Variants in MACROD2 observed in about 807,000 individuals in gnomAD.
MACROD2 encodes ADP-ribose glycohydrolase MACROD2.
Under a neutral mutation model 70.4 loss-of-function variants are expected in MACROD2, and 36 were observed. The observed-to-expected ratio is 0.51, with a 90% CI of 0.39 to 0.68. MACROD2 has a LOEUF of 0.68. Among genes scored for constraint, MACROD2 ranks in the 30% least tolerant of loss-of-function variants. The pLI is 0.00. For synonymous variants in MACROD2, 172 were observed against 178.8 expected (o/e 0.96, Z 0.30); for missense variants, 496 against 538.4 (o/e 0.92, Z 0.78).
In MACROD2 at chr20:14,057,455, T is replaced by A. The variant is rs934361743; in HGVS notation, c.164-28166T>A. Among the ~76,000 whole-genome samples, 4 of 152,260 alleles carry A rather than the reference T, an allele frequency of 2.6e-5. No homozygotes were observed. The East Asian group carries it at 7.7e-4, about 29-fold the overall frequency. ...CCAATAGAATAAATGGGAAAGAGAT[T>A]TGAGCAGTCAGTTCAAACTGTAAAG... On this transcript the variant is annotated intron_variant, in intron 2 of 17. Transcript: ENST00000684519.
At position 15,993,233 on chromosome 20, in the gene MACROD2, AGTGTGTGTGTGTGTGTGTGT is replaced by A. The variant is rs11468964; in HGVS notation, c.1153+6092_1153+6111del. ...AACTGGTTCAAAGGAGAATTTGAAG[AGTGTGTGTGTGTGTGTGTGT>A]GTGTGTGTGTGTGTGTATAAAATCC... On this transcript the variant is annotated intron_variant, in intron 15 of 17. Transcript: ENST00000684519. Among the ~76,000 whole-genome samples, 295 of 144,090 alleles carry A rather than the reference AGTGTGTGTGTGTGTGTGTGT, an allele frequency of 2.0e-3. 1 individual carries two copies. The highest frequency in any genetic ancestry group is 3.2e-3 in the Non-Finnish European group (205 of 64,578). The allele number at this position is 144,090 out of a possible 152,430, so 94.5% of individuals were successfully genotyped here. A position where few individuals can be genotyped will look rare whatever the true frequency, so the allele number is the denominator to read the frequency against.
chr20:14,592,280 G>T (rs1005856396), intron 4 of MACROD2, among the ~76,000 whole-genome samples: 1 of 152,196 alleles, frequency 6.6e-6, no homozygotes, highest in African/African-American at 2.4e-5. Context: ...CCATCTGTAA[G>T]CTAGATTGGA....
At chr20:15,422,741 A>G (rs6105410) in intron 6 of MACROD2, among the ~76,000 whole-genome samples, 51,124 of 152,066 alleles carry the variant, frequency 0.34, 8,915 homozygotes, top group South Asian at 0.39. Context: ...ATCTTGAGCT[A>G]TAGAGAAGGA....
Position 14,807,249 on chromosome 20 carries a change from G to A in MACROD2, c.418+122290G>A, listed in dbSNP as rs1280157166. The stretch of plus-strand genomic sequence containing the variant: ...GACAAAGCTTCCAGAGGAAGGAGCA[G>A]GCAGCAATCTTTACTGTTCTGCAGC... On this transcript the variant is annotated intron_variant, in intron 5 of 17. Coordinates refer to ENST00000684519, the MANE Select transcript of MACROD2 (RefSeq NM_001351661.2). 1.3e-5 allele frequency among the ~76,000 whole-genome samples: 2 copies of A among 152,136 alleles called. 1 individual carries two copies. The highest frequency in any genetic ancestry group is 2.9e-5 in the Non-Finnish European group (2 of 67,994).
At chr20:14,842,163 A>G (rs2073094545) in intron 5 of MACROD2, among the ~76,000 whole-genome samples, 2 of 152,130 alleles carry the variant, frequency 1.3e-5, no homozygotes, top group South Asian at 4.1e-4. Flanking sequence ...TTCTCTAGAG[A>G]GAGGAAATGT....
chr20:15,340,130 CTTTTTT>C (rs869080087), intron 6 of MACROD2, among the ~76,000 whole-genome samples: 494 of 39,160 alleles, frequency 0.013, 4 homozygotes, highest in African/African-American at 0.053. Context: ...TTCTTTCTTT[CTTTTTT>C]TTTTTTTTTT....
chr20:14,077,741 A>G (rs1287681229), intron 2 of MACROD2, among the ~76,000 whole-genome samples: 1 of 152,188 alleles, frequency 6.6e-6, no homozygotes, highest in Non-Finnish European at 1.5e-5. Flanking sequence ...GCTGGCTATG[A>G]TTAAATTGAT....
intron 5 of MACROD2, among the ~76,000 whole-genome samples, chr20:14,922,795 A>G (rs2122643530): frequency 6.6e-6 from 1 of 152,322 alleles, no homozygotes; most frequent in African/African-American, 2.4e-5. Context: ...TAACACAGTC[A>G]GTGAGATAAT....
intron 4 of MACROD2, among the ~76,000 whole-genome samples, chr20:14,570,540 G>A (rs1980118870): frequency 6.6e-6 from 1 of 151,932 alleles, no homozygotes; most frequent in Non-Finnish European, 1.5e-5. Flanking sequence ...AGGATTGGCA[G>A]TGTAAAAGTG....
intron 8 of MACROD2, among the ~76,000 whole-genome samples, chr20:15,536,223 T>G (rs1236078541): frequency 6.6e-6 from 1 of 152,206 alleles, no homozygotes; most frequent in African/African-American, 2.4e-5. Flanking sequence ...TGGCAGTTGT[T>G]GATAAAGACA....
chr20:14,338,472 T>C (rs1168427191), intron 3 of MACROD2, among the ~76,000 whole-genome samples: 1 of 152,190 alleles, frequency 6.6e-6, no homozygotes, highest in Non-Finnish European at 1.5e-5. Context: ...GTCTGTTCTT[T>C]TGGAGGCGAA....
intron 5 of MACROD2, among the ~76,000 whole-genome samples, chr20:15,089,785 G>A (rs1405444403): frequency 6.6e-6 from 1 of 151,986 alleles, no homozygotes; most frequent in African/African-American, 2.4e-5. Context: ...TTTTCAAGAG[G>A]ATTGAGAGAC....
At chr20:15,826,516 A>G (rs1271713715) in intron 8 of MACROD2, among the ~76,000 whole-genome samples, 1 of 152,200 alleles carries the variant, frequency 6.6e-6, no homozygotes, top group African/African-American at 2.4e-5. Context: ...AGCTTTTTTT[A>G]AGCTTTTGAA....
chr20:15,092,298 A>G (rs1601061355), intron 5 of MACROD2, among the ~76,000 whole-genome samples: 1 of 151,520 alleles, frequency 6.6e-6, no homozygotes, highest in African/African-American at 2.4e-5. Flanking sequence ...GCACAAACTG[A>G]CAAGTGATTA....
chr20:14,245,529 A>C (rs2081962245), intron 3 of MACROD2, among the ~76,000 whole-genome samples: 1 of 152,194 alleles, frequency 6.6e-6, no homozygotes, highest in Non-Finnish European at 1.5e-5. Flanking sequence ...GTAAGCATTA[A>C]ATCCAGCATA....
intron 5 of MACROD2, among the ~76,000 whole-genome samples, chr20:14,890,041 G>A (rs1271698641): frequency 1.3e-5 from 2 of 152,030 alleles, no homozygotes; most frequent in African/African-American, 4.8e-5. Context: ...GAACCAACAG[G>A]GAGAATTTAA....
intron 5 of MACROD2, among the ~76,000 whole-genome samples, chr20:15,047,785 T>G (rs1370113759): frequency 6.6e-6 from 1 of 152,142 alleles, no homozygotes; most frequent in African/African-American, 2.4e-5. Flanking sequence ...TTTCCTTTGC[T>G]TTCATTGCAA....
chr20:14,093,058 T>C (rs2054173077), intron 3 of MACROD2, among the ~76,000 whole-genome samples: 1 of 152,156 alleles, frequency 6.6e-6, no homozygotes, highest in Non-Finnish European at 1.5e-5. Context: ...CACTTACCTG[T>C]ATGTACTTTT....
At chr20:14,252,188 A>C (rs1291126582) in intron 3 of MACROD2, among the ~76,000 whole-genome samples, 1 of 152,018 alleles carries the variant, frequency 6.6e-6, no homozygotes, top group Non-Finnish European at 1.5e-5. Flanking sequence ...TAATTACCAG[A>C]GGCAGGAGAA....
Sources: gnomAD v4.1 joint callset for allele counts (sites outside exome capture counted in the v4.1 genomes callset) on GRCh38, gnomAD v4.1.1 for gene constraint, MANE v1.5 for transcripts, NCBI Gene and HGNC (gene_info 2026-07-23, HGNC 2026-07-21) for gene names.